PAX1: variants seen among roughly 807,000 people sequenced by gnomAD.
PAX1 encodes paired box 1.
A neutral mutation model predicts 35.6 loss-of-function variants in PAX1; 18 were observed. That is an observed-to-expected ratio of 0.50 (90% CI 0.35 to 0.75). The LOEUF (loss-of-function observed/expected upper bound fraction) is 0.75. PAX1 is among the 30% of genes least tolerant of loss of function. The pLI is 0.01. For synonymous variants in PAX1, 397 were observed against 305.2 expected (o/e 1.30, Z -3.14); for missense variants, 760 against 661.5 (o/e 1.15, Z -1.63).
chr20:21,707,463 C>T (rs1985056107), intron 2 of PAX1, among the ~76,000 whole-genome samples: 1 of 152,130 alleles, frequency 6.6e-6, no homozygotes, highest in East Asian at 1.9e-4. Context: ...TCCCCCACTC[C>T]CAGGCCCAGT....
Position 21,709,341 on chromosome 20 carries a change from G to A in PAX1, c.1179G>A (p.Trp393Ter). The change falls in exon 4 of 5, where the codon TGG becomes TGA. Residue 393 changes from tryptophan (W) to a stop codon, truncating the protein, a stop_gained. Transcript: ENST00000613128. LOFTEE classifies it high-confidence loss of function. ...GGGYLAPGPP[W>*]PPAQGPPLAP... ...GCTACCTCGCCCCGGGCCCGCCGTG[G>A]CCGCCTGCGCAAGGTCCTCCTCTGG... 6.3e-7 allele frequency: 1 copy of A among 1,598,246 alleles called. No homozygotes were observed. The highest frequency in any genetic ancestry group is 8.5e-7 in the Non-Finnish European group (1 of 1,176,628).
At chr20:21,709,516 C>A in intron 4 of PAX1, 72 bp downstream of exon 4, 1 of 1,226,568 alleles carries the variant, frequency 8.2e-7, no homozygotes, top group Admixed American at 2.7e-5. Context: ...CGGGTGTGAG[C>A]CTGGGAAAAG....
At chr20:21,710,066 T>C (rs115712293) in intron 4 of PAX1, among the ~76,000 whole-genome samples, 9,665 of 121,416 alleles carry the variant, frequency 0.08, 596 homozygotes, top group East Asian at 0.33. Flanking sequence ...GAGCTTTCTG[T>C]GGTTGTGGGT....
chr20:21,707,061 C>A lies in PAX1; in HGVS notation c.910C>A (p.Gln304Lys), dbSNP rs769324690. The A allele has an allele frequency of 1.2e-6, 2 of 1,612,924 alleles. No individual in the cohort carries two copies. Among genetic ancestry groups the A allele is most frequent in the Admixed American group, 3.3e-5 (2 of 60,012 alleles). Residue 304 changes from glutamine to lysine, a missense_variant, in exon 2 of 5, where the codon CAA becomes AAA. Physicochemically the swap from Gln to Lys is moderately conservative, Grantham distance 53 (BLOSUM62 1). Around this residue, in one of 3 missense-constraint regions of PAX1, gnomAD observed 490 missense variants for 428.4 expected, o/e 1.14. Transcript: ENST00000613128. ...NILGIRTFME[Q>K]TGALAGSEGT... ...CCTGGGCATCCGGACGTTTATGGAG[C>A]AAACAGGTCAGTTGTGGCGGCCTCC...
rs753565002 is a variant in PAX1, at chr20:21,706,469, C to T, written c.318C>T (p.Gly106=). The change falls in exon 2 of 5, where the codon GGC becomes GGT. Residue 106 remains glycine (G), a synonymous_variant. Coordinates refer to ENST00000613128, the MANE Select transcript of PAX1 (RefSeq NM_001257096.2). The surrounding 1 kb of genome is among the most constrained non-coding windows in gnomAD (Gnocchi z 5.3). ...CGTATGGCGAGGTGAACCAGCTGGG[C>T]GGTGTGTTCGTCAACGGCCGCCCCC... ...EQTYGEVNQL[G]GVFVNGRPLP... The T allele has an allele frequency of 6.2e-7, 1 of 1,610,928 alleles. No homozygotes were observed. The highest frequency in any genetic ancestry group is 1.3e-5 in the African/African-American group (1 of 74,932).
chr20:21,716,661 G>A lies in PAX1; in HGVS notation c.*2099G>A, dbSNP rs1423980142. The A allele has an allele frequency of 1.3e-5, 2 of 152,114 alleles. No homozygotes were observed. Among genetic ancestry groups the A allele is most frequent in the Non-Finnish European group, 2.9e-5 (2 of 68,028 alleles). The allele number at this position is 152,114 out of a possible 1,614,324, so 9.4% of individuals were successfully genotyped here. A position where few individuals can be genotyped will look rare whatever the true frequency, so the allele number is the denominator to read the frequency against. ...ACTATCTCATCAGAGAGGCAGGATT[G>A]AGACTTGGACTTTGAGACTGAAGTC... On this transcript the variant is annotated 3_prime_UTR_variant, in exon 5 of 5. Transcript: ENST00000613128.
Position 21,706,574 on chromosome 20 carries a change from C to A in PAX1, c.423C>A (p.Arg141=). The change falls in exon 2 of 5, where the codon CGC becomes CGA. Residue 141 remains arginine, a synonymous_variant. Coordinates refer to ENST00000613128, the MANE Select transcript of PAX1 (RefSeq NM_001257096.2). The surrounding 1 kb of genome is among the most constrained non-coding windows in gnomAD (Gnocchi z 5.3). Reference sequence around the variant, plus strand: ...CCTGTGACATCAGTCGGCAGCTCCGCGTATCCCACGGCTGCGTGAGCAAGA... The same window carrying A: ...CCTGTGACATCAGTCGGCAGCTCCGAGTATCCCACGGCTGCGTGAGCAAGA... ...IRPCDISRQL[R]VSHGCVSKIL... is the part of the protein sequence containing the mutation. The A allele has an allele frequency of 6.2e-7, 1 of 1,612,242 alleles. No individual in the cohort carries two copies. The highest frequency in any genetic ancestry group is 1.1e-5 in the South Asian group (1 of 91,088).
intron 3 of PAX1, 129 bp downstream of exon 3, chr20:21,708,829 T>A: frequency 2.1e-6 from 2 of 940,472 alleles, no homozygotes; most frequent in East Asian, 5.2e-5. Flanking sequence ...GGCAGCCGGC[T>A]AGCAAGCGTC....
At chr20:21,713,902 C>T (rs914531304) in intron 4 of PAX1, among the ~76,000 whole-genome samples, 2 of 152,248 alleles carry the variant, frequency 1.3e-5, no homozygotes, top group Non-Finnish European at 2.9e-5. Flanking sequence ...CAACTGCCTC[C>T]TACGTCGGAG....
intron 4 of PAX1, among the ~76,000 whole-genome samples, chr20:21,710,703 G>A (rs1985175589): frequency 6.6e-6 from 1 of 151,896 alleles, no homozygotes; most frequent in Non-Finnish European, 1.5e-5. Flanking sequence ...GGGTGGGGTG[G>A]GGGGCAGGAA....
At chr20:21,712,998 G>A (rs1985245263) in intron 4 of PAX1, among the ~76,000 whole-genome samples, 1 of 152,230 alleles carries the variant, frequency 6.6e-6, no homozygotes, top group Admixed American at 6.5e-5. Flanking sequence ...GTTGTCCTAT[G>A]GAGGGAATGG....
intron 4 of PAX1, among the ~76,000 whole-genome samples, chr20:21,713,382 T>TGTGTG (rs1555805031): frequency 4.7e-4 from 69 of 146,380 alleles, no homozygotes; most frequent in Admixed American, 1.7e-3. Flanking sequence ...TCTTTTTTTT[T>TGTGTG]TGTGTGTGTG....
At chr20:21,711,808 T>C (rs1032966840) in intron 4 of PAX1, among the ~76,000 whole-genome samples, 1 of 152,240 alleles carries the variant, frequency 6.6e-6, no homozygotes, top group African/African-American at 2.4e-5. Flanking sequence ...GTAGAACAGC[T>C]GACTTCAAAG....
intron 4 of PAX1, among the ~76,000 whole-genome samples, chr20:21,714,028 C>T (rs1433421651): frequency 6.6e-6 from 1 of 152,258 alleles, no homozygotes; most frequent in Admixed American, 6.5e-5. Flanking sequence ...GGCTGCTCTT[C>T]GCACTTGTGC....
In PAX1 at chr20:21,709,334, C is replaced by G. The variant is rs762948845; in HGVS notation, c.1172C>G (p.Pro391Arg). ...APGGGYLAPGPPWPPAQGPPL... is the reference protein window; with the variant it reads ...APGGGYLAPGRPWPPAQGPPL... ...GGCGGCGGCTACCTCGCCCCGGGCCCGCCGTGGCCGCCTGCGCAAGGTCCT... is the reference window on the plus strand; with the variant it reads ...GGCGGCGGCTACCTCGCCCCGGGCCGGCCGTGGCCGCCTGCGCAAGGTCCT... Residue 391 changes from proline (P) to arginine (R), a missense_variant, in exon 4 of 5, where the codon CCG becomes CGG. Pro to Arg is a moderately radical substitution (Grantham distance 103, BLOSUM62 -2). Around this residue, in one of 3 missense-constraint regions of PAX1, gnomAD observed 490 missense variants for 428.4 expected, o/e 1.14. Transcript: ENST00000613128. The G allele has an allele frequency of 8.1e-6, 13 of 1,598,734 alleles. No homozygotes were observed. Among genetic ancestry groups the G allele is most frequent in the African/African-American group, 2.7e-5 (2 of 74,892 alleles).
At chr20:21,708,098 A>G (rs1395813816) in intron 2 of PAX1, among the ~76,000 whole-genome samples, 3 of 152,218 alleles carry the variant, frequency 2.0e-5, no homozygotes, top group Admixed American at 2.0e-4. Context: ...GGGGACAACA[A>G]TGTTGACGCT....
chr20:21,706,674 C>T lies in PAX1; in HGVS notation c.523C>T (p.Pro175Ser), dbSNP rs866146293. 2 of 1,612,974 alleles carry T rather than the reference C, an allele frequency of 1.2e-6. No individual in the cohort carries two copies. Among genetic ancestry groups the T allele is most frequent in the African/African-American group, 1.3e-5 (1 of 75,072 alleles). Residue 175 changes from proline to serine, a missense_variant, in exon 2 of 5, where the codon CCC becomes TCC. Transcript: ENST00000613128. The surrounding 1 kb of genome is among the most constrained non-coding windows in gnomAD (Gnocchi z 5.3). ...IGGSKPRVTT[P>S]NVVKHIRDYK... ...GGGGAGCAAGCCCCGCGTCACCACT[C>T]CCAACGTGGTCAAGCACATCCGGGA...
rs538482685 is a variant in PAX1, at chr20:21,706,007, C to G, written c.286+9C>G. The G allele has an allele frequency of 6.1e-6, 9 of 1,468,942 alleles. No homozygotes were observed. The African/African-American group carries it at 1.3e-4, about 21-fold the overall frequency. 91.0% of individuals were successfully genotyped at this position (1,468,942 alleles called of 1,614,324 possible). ...CGGCCCGCTCGCTATGGGTAAGGGG[C>G]GGGCGACAGGCAGGGCTCGGGAGGG... On this transcript the variant is annotated intron_variant, in intron 1 of 4. Transcript: ENST00000613128. This position sits in a 1 kb window ranked among gnomAD's most constrained non-coding sequence, Gnocchi z 5.3.
In PAX1 at chr20:21,718,180, G is replaced by T. The variant is rs769074927; in HGVS notation, c.*3618G>T. The stretch of plus-strand genomic sequence containing the variant: ...TTTGTTGTGTTCATTATTGGAGGAA[G>T]TACTTGCAATGGATTGTAATAACTT... On this transcript the variant is annotated 3_prime_UTR_variant, in exon 5 of 5. Transcript: ENST00000613128. 6.6e-6 allele frequency: 1 copy of T among 152,208 alleles called. No homozygotes were observed. Among genetic ancestry groups the T allele is most frequent in the Non-Finnish European group, 1.5e-5 (1 of 68,034 alleles). 9.4% of individuals were successfully genotyped at this position (152,208 alleles called of 1,614,324 possible). A position where few individuals can be genotyped will look rare whatever the true frequency, so the allele number is the denominator to read the frequency against.
Sources: allele counts gnomAD v4.1 joint callset (sites outside exome capture counted in the v4.1 genomes callset), GRCh38; gene constraint gnomAD v4.1.1; regional missense constraint gnomAD v4.1.1; non-coding constraint Gnocchi (gnomAD v3.1); transcripts MANE v1.5; gene names NCBI Gene and HGNC (gene_info 2026-07-23, HGNC 2026-07-21).